PAPPA: variants seen among roughly 807,000 people sequenced by gnomAD.
The protein encoded by PAPPA is pappalysin 1.
PAPPA carries 60 observed loss-of-function variants against 164.0 expected under a neutral mutation model. That is an observed-to-expected ratio of 0.37 (90% CI 0.30 to 0.45). The LOEUF is 0.45. PAPPA is among the 20% of genes least tolerant of loss of function. The pLI is 1.00. For synonymous variants in PAPPA, 875 were observed against 814.1 expected (o/e 1.07, Z -1.27); for missense variants, 1,782 against 2,087.3 (o/e 0.85, Z 2.85).
At chr9:116,330,454 TTGAA>T (rs932099048) in intron 10 of PAPPA, among the ~76,000 whole-genome samples, 3 of 152,220 alleles carry the variant, frequency 2.0e-5, no homozygotes, top group Non-Finnish European at 2.9e-5. Context: ...TAAATATCAT[TTGAA>T]TGAATGAATG....
chr9:116,174,275 C>T (rs781440813), intron 1 of PAPPA, among the ~76,000 whole-genome samples: 3 of 151,734 alleles, frequency 2.0e-5, no homozygotes, highest in African/African-American at 2.4e-5. Context: ...CCTGTCTGGC[C>T]TTGTCCCTTT....
At chr9:116,206,728 G>C (rs71505570) in intron 2 of PAPPA, among the ~76,000 whole-genome samples, 2,696 of 152,262 alleles carry the variant, frequency 0.018, 34 homozygotes, top group Non-Finnish European at 0.029. Context: ...AGGTGGACGA[G>C]TATGGAGATG....
At chr9:116,288,749 A>G (rs1387299084) in intron 9 of PAPPA, 1 of 152,106 alleles carries the variant, frequency 6.6e-6, no homozygotes, top group African/African-American at 2.4e-5. Context: ...GCTTGGAGAT[A>G]GAAGACACTG....
chr9:116,365,122 C>G (rs973666182), intron 18 of PAPPA, among the ~76,000 whole-genome samples: 1 of 152,178 alleles, frequency 6.6e-6, no homozygotes, highest in Non-Finnish European at 1.5e-5. Flanking sequence ...TGAGCCCTTC[C>G]CTGAGGAGAA....
intron 9 of PAPPA, among the ~76,000 whole-genome samples, chr9:116,289,841 G>A (rs1032617834): frequency 6.6e-6 from 1 of 152,182 alleles, no homozygotes; most frequent in Non-Finnish European, 1.5e-5. Flanking sequence ...TTGAAGAAGT[G>A]AGATCATGCT....
At chr9:116,341,175 G>A (rs1444133076) in intron 13 of PAPPA, among the ~76,000 whole-genome samples, 1 of 151,830 alleles carries the variant, frequency 6.6e-6, no homozygotes, top group Non-Finnish European at 1.5e-5. Context: ...CAAGTAGCTG[G>A]GATTATAGGT....
chr9:116,375,965 G>A (rs1303976949), intron 19 of PAPPA, among the ~76,000 whole-genome samples: 8 of 150,762 alleles, frequency 5.3e-5, no homozygotes, highest in Non-Finnish European at 1.2e-4. Context: ...AGAAATAATT[G>A]TAATCTGGCA....
chr9:116,324,404 C>T (rs1055673827), intron 10 of PAPPA, among the ~76,000 whole-genome samples: 1 of 152,144 alleles, frequency 6.6e-6, no homozygotes, highest in African/African-American at 2.4e-5. Flanking sequence ...AGAATAGGCA[C>T]CCGATACATG....
At chr9:116,175,471 T>C (rs903508344) in intron 1 of PAPPA, among the ~76,000 whole-genome samples, 2 of 152,338 alleles carry the variant, frequency 1.3e-5, no homozygotes, top group Middle Eastern at 3.4e-3. Flanking sequence ...ACGTATTTCA[T>C]AATATCATGT....
chr9:116,309,568 A>G (rs761948255), intron 10 of PAPPA, among the ~76,000 whole-genome samples: 2 of 152,158 alleles, frequency 1.3e-5, no homozygotes, highest in Non-Finnish European at 2.9e-5. Context: ...AGGCGGACTG[A>G]GAGGAGGTCA....
rs906344252 is a variant in PAPPA, at chr9:116,195,749, C to T, written c.1478+7533C>T. Among the ~76,000 whole-genome samples the T allele has an allele frequency of 6.4e-4, 97 of 152,268 alleles. 1 individual carries two copies. The highest frequency in any genetic ancestry group is 2.3e-3 in the African/African-American group (94 of 41,548). ...TTCTCGCTTCTTATTGTGCATATCCCGAAATTCTTAGCCCCTTTTCAATCC... is the reference window on the plus strand; with the variant it reads ...TTCTCGCTTCTTATTGTGCATATCCTGAAATTCTTAGCCCCTTTTCAATCC... On this transcript the variant is annotated intron_variant, in intron 2 of 21. Coordinates refer to ENST00000328252, the MANE Select transcript of PAPPA (RefSeq NM_002581.5).
chr9:116,186,112 T>C (rs1193340953), intron 1 of PAPPA, among the ~76,000 whole-genome samples: 1 of 152,090 alleles, frequency 6.6e-6, no homozygotes, highest in South Asian at 2.1e-4. Context: ...CTTAGCACAA[T>C]GCCTGGCCTG....
chr9:116,358,059 C>T (rs1382610868), intron 17 of PAPPA, among the ~76,000 whole-genome samples: 1 of 152,094 alleles, frequency 6.6e-6, no homozygotes, highest in East Asian at 1.9e-4. Flanking sequence ...GTTTTCATTT[C>T]CGGGTTGTTA....
chr9:116,306,752 A>G (rs1845651712), intron 10 of PAPPA, among the ~76,000 whole-genome samples: 1 of 152,216 alleles, frequency 6.6e-6, no homozygotes, highest in East Asian at 1.9e-4. Flanking sequence ...AATGCTTTAC[A>G]CAAAAGGATG....
At chr9:116,276,550 C>G (rs1459654762) in intron 9 of PAPPA, among the ~76,000 whole-genome samples, 1 of 152,142 alleles carries the variant, frequency 6.6e-6, no homozygotes, top group Non-Finnish European at 1.5e-5. Context: ...CTTCCCTCAT[C>G]TGATACTGAG....
intron 14 of PAPPA, among the ~76,000 whole-genome samples, chr9:116,345,280 G>A (rs1846192476): frequency 1.3e-5 from 2 of 152,258 alleles, no homozygotes; most frequent in Admixed American, 6.5e-5. Flanking sequence ...ATTGTAGGGT[G>A]TTGTGGAGGC....
intron 21 of PAPPA, among the ~76,000 whole-genome samples, chr9:116,387,123 ACAGGAATT>A (rs1846824891): frequency 6.6e-6 from 1 of 151,772 alleles, no homozygotes; most frequent in Non-Finnish European, 1.5e-5. Flanking sequence ...TTCCTAAATC[ACAGGAATT>A]CAGTTAACTG....
intron 1 of PAPPA, among the ~76,000 whole-genome samples, chr9:116,167,583 A>G (rs773481702): frequency 6.6e-6 from 1 of 152,178 alleles, no homozygotes; most frequent in African/African-American, 2.4e-5. Context: ...CCTCCTTGTC[A>G]TCCTCTGATG....
intron 1 of PAPPA, among the ~76,000 whole-genome samples, chr9:116,160,439 A>G (rs2118974152): frequency 6.6e-6 from 1 of 152,314 alleles, no homozygotes; most frequent in Admixed American, 6.5e-5. Flanking sequence ...ATTATAAGAA[A>G]GGGAAGCTCA....
Sources: allele counts gnomAD v4.1 joint callset (sites outside exome capture counted in the v4.1 genomes callset), GRCh38; gene constraint gnomAD v4.1.1; transcripts MANE v1.5; gene names NCBI Gene and HGNC (gene_info 2026-07-23, HGNC 2026-07-21).